ANO1: variants seen among roughly 807,000 people sequenced by gnomAD.
ANO1 encodes anoctamin-1.
In ANO1, 59 loss-of-function variants were observed where a neutral mutation model predicts 124.0. The observed-to-expected ratio is 0.48, with a 90% confidence interval of 0.39 to 0.59. ANO1 has a LOEUF of 0.59. ANO1 is among the 20% of genes least tolerant of loss of function. The pLI, the probability that ANO1 is intolerant of heterozygous loss-of-function variation, is 0.00. For synonymous variants in ANO1, 529 were observed against 532.0 expected, an observed-to-expected ratio of 0.99 and a Z score of 0.08; for missense variants, 1,059 against 1,328.0, an observed-to-expected ratio of 0.80 and a Z score of 3.15.
intron 22 of ANO1, among the ~76,000 whole-genome samples, chr11:70,176,663 A>T (rs2048712740): frequency 6.6e-6 from 1 of 152,052 alleles, no homozygotes; most frequent in Non-Finnish European, 1.5e-5. Flanking sequence ...AAAAGGGAGG[A>T]GGGCATGAGG....
chr11:70,110,229 C>T (rs2045718644), intron 6 of ANO1, among the ~76,000 whole-genome samples: 1 of 150,078 alleles, frequency 6.7e-6, no homozygotes, highest in African/African-American at 2.5e-5. Context: ...CTCTGTCACC[C>T]AGGCTATAGT....
intron 1 of ANO1, among the ~76,000 whole-genome samples, chr11:70,050,928 G>A (rs1857341053): frequency 1.3e-5 from 2 of 152,200 alleles, no homozygotes. Context: ...GCAACGTGAT[G>A]CATGGCTGAC....
intron 1 of ANO1, among the ~76,000 whole-genome samples, chr11:69,987,559 C>T (rs574479675): frequency 9.3e-5 from 13 of 140,302 alleles, no homozygotes; most frequent in African/African-American, 3.6e-4. Flanking sequence ...GTGCCTAGAT[C>T]TTGCCACTGC....
chr11:70,032,367 G>C (rs1857016795), intron 1 of ANO1, among the ~76,000 whole-genome samples: 1 of 152,282 alleles, frequency 6.6e-6, no homozygotes, highest in East Asian at 1.9e-4. Flanking sequence ...GGTGCAGGCA[G>C]GTGCCCCTGG....
rs1251399539 is a variant in ANO1 at position 70,186,395 on chromosome 11, G to GAAGGAAGGAAGGAAGA, written c.2694+703_2694+704insGAAGGAAGGAAGAAAG. Among the ~76,000 whole-genome samples, 572 of 146,026 alleles carry GAAGGAAGGAAGGAAGA rather than the reference G, an allele frequency of 3.9e-3. 1 individual carries two copies. Among genetic ancestry groups the GAAGGAAGGAAGGAAGA allele is most frequent in the Non-Finnish European group, 6.6e-3 (431 of 65,512 alleles). On this transcript the variant is annotated intron_variant, in intron 25 of 25. Coordinates refer to ENST00000355303, the MANE Select transcript of ANO1 (RefSeq NM_018043.7). ...GGAAGGAAGGAAGGAAGGAAGGAAG[G>GAAGGAAGGAAGGAAGA]AAGAAAGACATGGAGAAAGGGGACC... is the stretch of plus-strand genomic sequence containing the variant.
intron 1 of ANO1, among the ~76,000 whole-genome samples, chr11:69,988,972 G>A (rs1034623934): frequency 2.0e-5 from 3 of 151,858 alleles, no homozygotes; most frequent in Non-Finnish European, 4.4e-5. Context: ...AAATAGACAG[G>A]GAAGGAGGGA....
At chr11:70,018,832 A>G (rs17160553) in intron 1 of ANO1, among the ~76,000 whole-genome samples, 7,415 of 152,252 alleles carry the variant, frequency 0.049, 391 homozygotes, top group African/African-American at 0.13. Context: ...GCATCTGTTC[A>G]TCTGGTGGGA....
At chr11:70,041,969 T>C (rs1857189772) in intron 1 of ANO1, among the ~76,000 whole-genome samples, 1 of 152,150 alleles carries the variant, frequency 6.6e-6, no homozygotes, top group African/African-American at 2.4e-5. Flanking sequence ...CTAACTATCA[T>C]TCTCCATAAA....
chr11:69,967,341 C>T, the ANO1 span, among the ~76,000 whole-genome samples: 918 of 150,832 alleles, frequency 6.1e-3, 13 homozygotes, highest in African/African-American at 0.021. Context: ...GCGCCGGTAT[C>T]GCACGTTAGC....
At chr11:70,151,295 G>T (rs574244447) in intron 12 of ANO1, among the ~76,000 whole-genome samples, 8 of 152,192 alleles carry the variant, frequency 5.3e-5, no homozygotes, top group Non-Finnish European at 1.0e-4. Flanking sequence ...TTCCTCAGCC[G>T]ATCTCATTAT....
intron 23 of ANO1, among the ~76,000 whole-genome samples, chr11:70,180,278 G>GT (rs35515891): frequency 8.7e-4 from 129 of 148,062 alleles, no homozygotes; most frequent in South Asian, 8.3e-3. Context: ...TTTTCTGCAA[G>GT]TTTTTTTTTT....
intron 2 of ANO1, among the ~76,000 whole-genome samples, chr11:70,091,657 A>C (rs1231777444): frequency 6.6e-6 from 1 of 152,190 alleles, no homozygotes; most frequent in African/African-American, 2.4e-5. Flanking sequence ...CACCTCTGGG[A>C]CCATCTGCTG....
At chr11:70,054,692 T>C (rs959432551) in intron 1 of ANO1, among the ~76,000 whole-genome samples, 18 of 152,266 alleles carry the variant, frequency 1.2e-4, no homozygotes, top group Non-Finnish European at 2.1e-4. Context: ...ATTTTATTAG[T>C]CTTTTAAATA....
chr11:70,087,971 G>A lies in ANO1; in HGVS notation c.328G>A (p.Ala110Thr), dbSNP rs767729196. The A allele has an allele frequency of 3.1e-6, 5 of 1,588,102 alleles. No individual in the cohort carries two copies. The South Asian group carries it at 4.6e-5, about 15-fold the overall frequency. The change falls in exon 2 of 26, where the codon GCA becomes ACA. Residue 110 changes from alanine to threonine, a missense_variant. By Grantham distance (58) the Ala-to-Thr change is moderately conservative (BLOSUM62 0). This residue lies in a region of ANO1 where 250 missense variants were observed against 233.1 expected (regional missense o/e 1.07). Coordinates refer to ENST00000355303, the MANE Select transcript of ANO1 (RefSeq NM_018043.7). ...GCCGGGCAAGGGGGCGTCGCTGGAT[G>A]CAGGCTCGGGGGAGCCCCCGATGGA... ...PLPGKGASLD[A>T]GSGEPPMDYH...
upstream of ANO1, among the ~76,000 whole-genome samples, chr11:70,076,543 T>C (rs2044060116): frequency 6.6e-6 from 1 of 152,226 alleles, no homozygotes; most frequent in South Asian, 2.1e-4. Context: ...GTTGGTTGTT[T>C]ACCAACAAAG....
At chr11:70,074,598 G>GC (rs1313234798), upstream of ANO1, among the ~76,000 whole-genome samples, 10 of 152,132 alleles carry the variant, frequency 6.6e-5, no homozygotes, top group Admixed American at 1.3e-4. Context: ...GATAAAGCTG[G>GC]CCCCCCCAGG....
At chr11:70,038,531 G>T (rs1555004683) in intron 1 of ANO1, among the ~76,000 whole-genome samples, 1 of 152,114 alleles carries the variant, frequency 6.6e-6, no homozygotes, top group East Asian at 1.9e-4. Context: ...CTTTGTCTCA[G>T]TGTTGATTTT....
At chr11:70,063,693 T>C (rs1857649788) in intron 1 of ANO1, 1 of 152,176 alleles carries the variant, frequency 6.6e-6, no homozygotes, top group South Asian at 2.1e-4. Context: ...CTAGTCTTTG[T>C]TTCCCTCTCT....
At chr11:70,058,591 C>T (rs1857493966) in intron 1 of ANO1, among the ~76,000 whole-genome samples, 1 of 152,142 alleles carries the variant, frequency 6.6e-6, no homozygotes, top group East Asian at 1.9e-4. Context: ...AAGATAGTTG[C>T]CCAGAGGGCT....
Sources: allele counts gnomAD v4.1 joint callset (sites outside exome capture counted in the v4.1 genomes callset), GRCh38; gene constraint gnomAD v4.1.1; regional missense constraint gnomAD v4.1.1; transcripts MANE v1.5; gene names NCBI Gene and HGNC (gene_info 2026-07-23, HGNC 2026-07-21).